Variants in SLC7A9 observed in about 807,000 individuals in gnomAD.
The protein encoded by SLC7A9 is solute carrier family 7 member 9.
SLC7A9 carries 38 observed loss-of-function variants against 54.1 expected under a neutral mutation model. The ratio of observed to expected loss-of-function variants is 0.70; its 90% CI spans 0.54 to 0.92. SLC7A9 has a LOEUF of 0.92. Among genes scored for constraint, SLC7A9 ranks in the 40% least tolerant of loss-of-function variants. SLC7A9 has a pLI of 0.00. For missense variants in SLC7A9, 537 were observed against 636.1 expected (o/e 0.84, Z 1.68); for synonymous variants, 264 against 258.9 (o/e 1.02, Z -0.19).
chr19:32,835,202 A>C (rs1967922857), intron 11 of SLC7A9, among the ~76,000 whole-genome samples: 1 of 152,180 alleles, frequency 6.6e-6, no homozygotes, highest in Non-Finnish European at 1.5e-5. Context: ...GTTTGTTAAC[A>C]TTTTATTTTA....
chr19:32,833,142 T>C lies in SLC7A9; in HGVS notation c.1399+7A>G, dbSNP rs777171149. On this transcript the variant is annotated splice_region_variant and intron_variant, in intron 12 of 12. Transcript: ENST00000023064. ...AGAGGCCAAGCGGCCCTTCTGTTGGTACTTACTTGAGATTTTCTGAGCCCA... is the reference window on the plus strand; with the variant it reads ...AGAGGCCAAGCGGCCCTTCTGTTGGCACTTACTTGAGATTTTCTGAGCCCA... 2.5e-6 allele frequency: 4 copies of C among 1,613,642 alleles called. No individual in the cohort carries two copies. Among genetic ancestry groups the C allele is most frequent in the Non-Finnish European group, 3.4e-6 (4 of 1,179,522 alleles).
rs748319099 is a variant in SLC7A9, at chr19:32,833,116, C to G, written c.1399+33G>C. On this transcript the variant is annotated intron_variant, in intron 12 of 12. Transcript: ENST00000023064. ...GGACGCCGTGCCTGCCTGCACCTCA[C>G]AGAGGCCAAGCGGCCCTTCTGTTGG... is the stretch of plus-strand genomic sequence containing the variant. 3.7e-6 allele frequency: 6 copies of G among 1,612,138 alleles called. 1 individual carries two copies. In the South Asian group the frequency reaches 5.5e-5, roughly 15 times the overall value.
intron 9 of SLC7A9, among the ~76,000 whole-genome samples, chr19:32,854,289 C>G (rs533682328): frequency 6.9e-4 from 105 of 152,142 alleles, no homozygotes; most frequent in Non-Finnish European, 1.2e-3. Context: ...GCTTTGATTA[C>G]AGGTGTGAGC....
At chr19:32,837,545 C>T (rs1967998067) in intron 11 of SLC7A9, among the ~76,000 whole-genome samples, 1 of 123,152 alleles carries the variant, frequency 8.1e-6, no homozygotes. Context: ...AACCAAAAAA[C>T]AGTAAATGTG....
intron 10 of SLC7A9, among the ~76,000 whole-genome samples, chr19:32,843,360 G>A (rs1968183316): frequency 6.6e-6 from 1 of 152,132 alleles, no homozygotes; most frequent in South Asian, 2.1e-4. Flanking sequence ...GGAAGGCTGA[G>A]GCAGGAGAAT....
intron 11 of SLC7A9, among the ~76,000 whole-genome samples, chr19:32,837,434 C>T (rs1441344496): frequency 7.3e-6 from 1 of 136,092 alleles, no homozygotes; most frequent in East Asian, 2.3e-4. Flanking sequence ...GGCACGGTTG[C>T]AGTGAGTTGT....
Position 32,835,054 on chromosome 19 carries a change from C to T in SLC7A9, c.1225-1731G>A, listed in dbSNP as rs572837921. ...ATCTGCCCATCTTGGCCTCCCAGAG[C>T]GCTGGGATTACAGGCATGAGCCAAT... On this transcript the variant is annotated intron_variant, in intron 11 of 12. Coordinates refer to ENST00000023064, the MANE Select transcript of SLC7A9 (RefSeq NM_014270.5). Among the ~76,000 whole-genome samples, 5 of 152,218 alleles carry T rather than the reference C, an allele frequency of 3.3e-5. No individual in the cohort carries two copies. In the South Asian group the frequency reaches 8.3e-4, roughly 25 times the overall value.
intron 3 of SLC7A9, 98 bp downstream of exon 3, chr19:32,864,531 A>G: frequency 6.5e-7 from 1 of 1,548,440 alleles, no homozygotes; most frequent in Non-Finnish European, 8.8e-7. Flanking sequence ...ACATGTGCCA[A>G]GAGGGATACT....
intron 11 of SLC7A9, among the ~76,000 whole-genome samples, chr19:32,841,701 G>A (rs984452652): frequency 3.9e-5 from 6 of 152,198 alleles, no homozygotes; most frequent in Non-Finnish European, 7.3e-5. Context: ...GAGGTCAGGA[G>A]TTAGAGACCA....
At chr19:32,869,226 A>G (rs1746478072) in intron 1 of SLC7A9, among the ~76,000 whole-genome samples, 1 of 152,002 alleles carries the variant, frequency 6.6e-6, no homozygotes, top group African/African-American at 2.4e-5. Flanking sequence ...CTGTTTCAAA[A>G]AATATATATA....
rs573049164 is a variant in SLC7A9 at position 32,868,086 on chromosome 19, C to A, written c.87+362G>T. On this transcript the variant is annotated intron_variant, in intron 2 of 12. Transcript: ENST00000023064. ...TCTCTACTAAAAATACAAAAATTAG[C>A]CGGGTATGGTGGCGGGTGCTTGTAA... Among the ~76,000 whole-genome samples the A allele has an allele frequency of 9.6e-4, 146 of 151,836 alleles. No individual in the cohort carries two copies. In the Middle Eastern group the frequency reaches 0.017, roughly 18 times the overall value.
intron 9 of SLC7A9, among the ~76,000 whole-genome samples, chr19:32,844,290 A>G (rs188016238): frequency 6.6e-6 from 1 of 152,172 alleles, no homozygotes; most frequent in Admixed American, 6.5e-5. Flanking sequence ...AACTTTAAAA[A>G]TTTTTTAAAT....
At chr19:32,843,003 GGT>G (rs1170742752) in intron 10 of SLC7A9, among the ~76,000 whole-genome samples, 5 of 152,044 alleles carry the variant, frequency 3.3e-5, no homozygotes, top group African/African-American at 1.2e-4. Context: ...GTATTTCCTG[GGT>G]GTGTTTTCCT....
rs1968532715 is a variant in SLC7A9, at chr19:32,853,671, CTT to C, written c.977+4767_977+4768del. 5.3e-5 allele frequency among the ~76,000 whole-genome samples: 8 copies of C among 152,134 alleles called. No homozygotes were observed. In the South Asian group the frequency reaches 1.7e-3, roughly 31 times the overall value. On this transcript the variant is annotated intron_variant, in intron 9 of 12. Transcript: ENST00000023064. ...GTGGCTCACGCCTGTAATCCCAACA[CTT>C]TGGGAGGCTGAGGCAGGTGGATCAC...
At chr19:32,838,785 A>G (rs999979930) in intron 11 of SLC7A9, among the ~76,000 whole-genome samples, 2 of 146,410 alleles carry the variant, frequency 1.4e-5, no homozygotes, top group African/African-American at 2.5e-5. Context: ...ACATATATAC[A>G]TATACAAATA....
At position 32,853,286 on chromosome 19, in the gene SLC7A9, C is replaced by T; in HGVS notation, c.977+5154G>A. 1.3e-5 allele frequency among the ~76,000 whole-genome samples: 2 copies of T among 152,122 alleles called. 1 individual carries two copies. Among genetic ancestry groups the T allele is most frequent in the South Asian group, 4.1e-4 (2 of 4,826 alleles). On this transcript the variant is annotated intron_variant, in intron 9 of 12. Transcript: ENST00000023064. The stretch of plus-strand genomic sequence containing the variant: ...GAAGTAGATTAGTGGTTGCCTGGAG[C>T]TGCGGGTGAAAGCAGGGATTAATTA...
At chr19:32,865,846 C>T (rs549130930) in intron 2 of SLC7A9, among the ~76,000 whole-genome samples, 33 of 151,928 alleles carry the variant, frequency 2.2e-4, no homozygotes, top group Admixed American at 1.9e-3. Flanking sequence ...TTGGTGCACA[C>T]CTGTTCCTAG....
At position 32,860,332 on chromosome 19, in the gene SLC7A9, G is replaced by A. The variant is rs747607445; in HGVS notation, c.749+274C>T. ...AGCACTTTGGGAGGCCGAGATGGGC[G>A]AATCTCTTGAGGTTGGGAGTTCAAG... is the stretch of plus-strand genomic sequence containing the variant. On this transcript the variant is annotated intron_variant, in intron 7 of 12. Coordinates refer to ENST00000023064, the MANE Select transcript of SLC7A9 (RefSeq NM_014270.5). 66 of 1,372,656 alleles carry A rather than the reference G, an allele frequency of 4.8e-5. 1 individual carries two copies. The highest frequency in any genetic ancestry group is 1.9e-4 in the South Asian group (12 of 64,534). 85.0% of individuals were successfully genotyped at this position (1,372,656 alleles called of 1,614,324 possible).
In SLC7A9 at chr19:32,833,153, G is replaced by A; in HGVS notation, c.1395C>T (p.Ile465=). 6.2e-7 allele frequency: 1 copy of A among 1,614,120 alleles called. No individual in the cohort carries two copies. Among genetic ancestry groups the A allele is most frequent in the Non-Finnish European group, 8.5e-7 (1 of 1,179,970 alleles). Residue 465 remains isoleucine, a synonymous_variant, in exon 12 of 13, where the codon ATC becomes ATT. Transcript: ENST00000023064. Reference sequence around the variant, plus strand: ...GGCCCTTCTGTTGGTACTTACTTGAGATTTTCTGAGCCCATCCAAACTTGT... The same window carrying A: ...GGCCCTTCTGTTGGTACTTACTTGAAATTTTCTGAGCCCATCCAAACTTGT... ...VHYKFGWAQK[I]SKPITMHLQM... is the part of the protein sequence containing the mutation.
Sources: allele counts gnomAD v4.1 joint callset (sites outside exome capture counted in the v4.1 genomes callset), GRCh38; gene constraint gnomAD v4.1.1; transcripts MANE v1.5; gene names NCBI Gene and HGNC (gene_info 2026-07-23, HGNC 2026-07-21).